The following TMEM44 variants were observed in gnomAD, a reference collection of about 807,000 sequenced individuals.
TMEM44 encodes transmembrane protein 44.
A neutral mutation model predicts 47.8 loss-of-function variants in TMEM44; 43 were observed. The ratio of observed to expected loss-of-function variants is 0.90; its 90% CI spans 0.70 to 1.16. The LOEUF (loss-of-function observed/expected upper bound fraction) is 1.16, where lower values mean the gene tolerates loss of function less well. Ranked by LOEUF, TMEM44 falls within the 50% of genes most tolerant of loss-of-function variation. The probability of loss-of-function intolerance (pLI) is 0.00; values close to 1 mark genes in which losing one functional copy is unlikely to be tolerated. For synonymous variants in TMEM44, 277 were observed against 238.8 expected (o/e 1.16, Z -1.48); for missense variants, 568 against 555.2 (o/e 1.02, Z -0.23).
rs1304939192 is a variant in TMEM44, at chr3:194,617,266, G to A, written c.616C>T (p.Arg206Trp). 2.3e-5 allele frequency: 35 copies of A among 1,529,474 alleles called. No homozygotes were observed. The highest frequency in any genetic ancestry group is 6.1e-5 in the South Asian group (5 of 81,550). The allele number at this position is 1,529,474 out of a possible 1,614,324, so 94.7% of individuals were successfully genotyped here. ...TGGATGGAGGGAAATGTCTTCCCCC[G>A]GCACTGGGCAGAGAGAGGGAGGGGC... ...SRIPPLSRIC[R>W]GKTFPSIHLW... Residue 206 changes from arginine to tryptophan, a missense_variant, in exon 6 of 10, where the codon CGG becomes TGG. Coordinates refer to ENST00000347147, the MANE Select transcript of TMEM44 (RefSeq NM_001011655.3).
intron 9 of TMEM44, among the ~76,000 whole-genome samples, chr3:194,602,655 G>T (rs1714279442): frequency 6.6e-6 from 1 of 152,028 alleles, no homozygotes; most frequent in Non-Finnish European, 1.5e-5. Context: ...TCAGAGGAAG[G>T]AGCCGCTAGC....
intron 8 of TMEM44, among the ~76,000 whole-genome samples, chr3:194,609,135 G>T (rs1046543043): frequency 3.9e-5 from 6 of 152,126 alleles, no homozygotes; most frequent in Non-Finnish European, 7.4e-5. Flanking sequence ...GAGAGGAGCC[G>T]GTCTGGGCAT....
chr3:194,610,654 A>G (rs901950203), intron 8 of TMEM44, among the ~76,000 whole-genome samples: 3 of 152,056 alleles, frequency 2.0e-5, no homozygotes, highest in Non-Finnish European at 4.4e-5. Context: ...CACCTCCTTG[A>G]GCCACATTTT....
Position 194,605,494 on chromosome 3 carries a change from CA to C in TMEM44, c.1018-1050del, listed in dbSNP as rs1252463611. Among the ~76,000 whole-genome samples the C allele has an allele frequency of 3.3e-5, 5 of 152,196 alleles. No individual in the cohort carries two copies. In the East Asian group the frequency reaches 5.8e-4, roughly 18 times the overall value. ...GAGGCCTCACAATCACGGCAGAAGG[CA>C]AAGGAGGAGCAAGTCACGTCTTACA... On this transcript the variant is annotated intron_variant, in intron 8 of 9. Transcript: ENST00000347147.
intron 1 of TMEM44, among the ~76,000 whole-genome samples, chr3:194,632,497 C>T (rs1411402152): frequency 1.3e-5 from 2 of 152,156 alleles, no homozygotes; most frequent in African/African-American, 4.8e-5. Flanking sequence ...TCTGGACAAA[C>T]CAGTCCAGGT....
Position 194,617,243 on chromosome 3 carries a change from G to A in TMEM44, c.639C>T (p.Ile213=), listed in dbSNP as rs1716010713. The A allele has an allele frequency of 2.8e-6, 4 of 1,417,180 alleles. No homozygotes were observed. In the East Asian group the frequency reaches 9.7e-5, roughly 34 times the overall value. The allele number at this position is 1,417,180 out of a possible 1,614,324, so 87.8% of individuals were successfully genotyped here. ...CCGACAGGAGCCGGGTCCACAGGTG[G>A]ATGGAGGGAAATGTCTTCCCCCGGC... The part of the protein sequence containing the change: ...RICRGKTFPS[I]HLWTRLLSAL... The change falls in exon 6 of 10, where the codon ATC becomes ATT. Residue 213 remains isoleucine, a synonymous_variant. Coordinates refer to ENST00000347147, the MANE Select transcript of TMEM44 (RefSeq NM_001011655.3).
At chr3:194,630,145 C>T (rs34470148) in intron 1 of TMEM44, among the ~76,000 whole-genome samples, 24,899 of 75,812 alleles carry the variant, frequency 0.33, 4,754 homozygotes, top group East Asian at 0.68. Flanking sequence ...AATACGCTGT[C>T]GTACCTGCTT....
intron 2 of TMEM44, among the ~76,000 whole-genome samples, chr3:194,626,681 G>GT (rs61419904): frequency 0.033 from 4,328 of 133,096 alleles, 123 homozygotes; most frequent in African/African-American, 0.064. Context: ...ATGTAGTTAA[G>GT]TTTTTTTTTT....
intron 9 of TMEM44, among the ~76,000 whole-genome samples, chr3:194,591,394 T>G (rs1195405511): frequency 6.6e-6 from 1 of 152,084 alleles, no homozygotes; most frequent in African/African-American, 2.4e-5. Flanking sequence ...CTTGGGAGGC[T>G]GAAGCAGGAG....
At position 194,619,474 on chromosome 3, in the gene TMEM44, G is replaced by A. The variant is rs114703957; in HGVS notation, c.613-2205C>T. ...CATGTAAGGGGCTGGAGGCAGGACA[G>A]GCCTCGGATGGTCTCTGCAGCTGCC... On this transcript the variant is annotated intron_variant, in intron 5 of 9. Coordinates refer to ENST00000347147, the MANE Select transcript of TMEM44 (RefSeq NM_001011655.3). 3.8e-3 allele frequency among the ~76,000 whole-genome samples: 585 copies of A among 152,326 alleles called. 7 individuals are homozygous for A. The highest frequency in any genetic ancestry group is 0.013 in the African/African-American group (558 of 41,584).
At chr3:194,620,832 G>T (rs1431378862) in intron 5 of TMEM44, among the ~76,000 whole-genome samples, 1 of 152,044 alleles carries the variant, frequency 6.6e-6, no homozygotes, top group Non-Finnish European at 1.5e-5. Flanking sequence ...TTCGAGACCA[G>T]CCTGGCCAAC....
At chr3:194,626,928 AT>A (rs34763580) in intron 2 of TMEM44, among the ~76,000 whole-genome samples, 18 of 139,488 alleles carry the variant, frequency 1.3e-4, no homozygotes, top group Non-Finnish European at 1.1e-4. Context: ...GACCTACTGT[AT>A]TTTTTTTTTT....
chr3:194,626,333 T>C (rs1439724742), intron 2 of TMEM44, among the ~76,000 whole-genome samples: 1 of 152,186 alleles, frequency 6.6e-6, no homozygotes, highest in East Asian at 1.9e-4. Flanking sequence ...TGGCGCTCAG[T>C]TTCCCCATCT....
intron 8 of TMEM44, among the ~76,000 whole-genome samples, chr3:194,606,760 C>T (rs1031717746): frequency 6.6e-5 from 10 of 151,920 alleles, no homozygotes; most frequent in South Asian, 2.1e-4. Context: ...GACAACATGG[C>T]GAAACCCCTT....
At chr3:194,607,748 T>C (rs1409898372) in intron 8 of TMEM44, among the ~76,000 whole-genome samples, 2 of 152,168 alleles carry the variant, frequency 1.3e-5, no homozygotes, top group Non-Finnish European at 2.9e-5. Context: ...TTGGCTGCTG[T>C]TGTTTACTCA....
At chr3:194,623,840 C>G (rs945015731) in intron 3 of TMEM44, 145 bp from the exon 4 acceptor site, 1 of 1,002,918 alleles carries the variant, frequency 1.0e-6, no homozygotes, top group African/African-American at 1.6e-5. Flanking sequence ...TCCTCCCCAC[C>G]CTTCAGGGCC....
intron 8 of TMEM44, among the ~76,000 whole-genome samples, chr3:194,609,098 G>A (rs921283825): frequency 1.3e-5 from 2 of 152,162 alleles, no homozygotes; most frequent in Non-Finnish European, 2.9e-5. Flanking sequence ...AAGACAGTGC[G>A]TCATTTACTA....
chr3:194,622,275 C>T (rs766514728), intron 5 of TMEM44, among the ~76,000 whole-genome samples: 7 of 152,262 alleles, frequency 4.6e-5, no homozygotes, highest in Non-Finnish European at 8.8e-5. Flanking sequence ...TGACGCCTCC[C>T]CACCACCCCA....
At chr3:194,616,963 CT>C in intron 6 of TMEM44, 135 bp downstream of exon 6, 3 of 997,776 alleles carry the variant, frequency 3.0e-6, no homozygotes, top group Non-Finnish European at 4.3e-6. Context: ...CTGCCCCAAG[CT>C]TCAAACCACT....
Sources: gnomAD v4.1 joint callset for allele counts (sites outside exome capture counted in the v4.1 genomes callset) on GRCh38, gnomAD v4.1.1 for gene constraint, MANE v1.5 for transcripts, NCBI Gene and HGNC (gene_info 2026-07-23, HGNC 2026-07-21) for gene names.